The following RPS6KA2 variants were observed in gnomAD, a reference collection of about 807,000 sequenced individuals.
RPS6KA2 encodes the protein ribosomal protein S6 kinase A2, also known as ribosomal protein S6 kinase alpha-2.
In RPS6KA2, 42 loss-of-function variants were observed where a neutral mutation model predicts 91.8. That is an observed-to-expected ratio of 0.46 (90% CI 0.36 to 0.59). RPS6KA2 has a LOEUF of 0.59. Among genes scored for constraint, RPS6KA2 ranks in the 20% least tolerant of loss-of-function variants. The pLI is 0.00. For missense variants in RPS6KA2, 798 were observed against 978.5 expected (o/e 0.82, Z 2.46); for synonymous variants, 414 against 393.6 (o/e 1.05, Z -0.61).
rs111687729 is a variant in RPS6KA2 at position 166,640,949 on chromosome 6, C to T, written c.124-102165G>A. Among the ~76,000 whole-genome samples, 293 of 152,278 alleles carry T rather than the reference C, an allele frequency of 1.9e-3. 1 individual carries two copies. Among genetic ancestry groups the T allele is most frequent in the African/African-American group, 6.3e-3 (261 of 41,544 alleles). Reference sequence around the variant, plus strand: ...CAAAGAGCAAGGGGTAAAAACTGCCCTCTCAGATTTCTTTAGCTCACACTT... The same window carrying T: ...CAAAGAGCAAGGGGTAAAAACTGCCTTCTCAGATTTCTTTAGCTCACACTT... On this transcript the variant is annotated intron_variant, in intron 2 of 21. Coordinates refer to the RPS6KA2 transcript ENST00000503859.
intron 3 of RPS6KA2, among the ~76,000 whole-genome samples, chr6:166,523,600 C>T (rs1182111511): frequency 6.6e-6 from 1 of 152,104 alleles, no homozygotes; most frequent in Non-Finnish European, 1.5e-5. Context: ...AACAGTCCTC[C>T]CCTCTTAAGA....
intron 2 of RPS6KA2, among the ~76,000 whole-genome samples, chr6:166,715,973 G>C (rs1023798088): frequency 6.7e-6 from 1 of 148,416 alleles, no homozygotes; most frequent in African/African-American, 2.5e-5. Flanking sequence ...TGGAGGTGGA[G>C]GTTGCAGTGA....
In RPS6KA2 at chr6:166,697,057, ATGTG is replaced by A. The variant is rs3071132; in HGVS notation, c.124-158277_124-158274del. ...CAATAAAATCTGTGTGTGTATATAT[ATGTG>A]TGTGTGTGTGTGTGTGTGTATTTGT... On this transcript the variant is annotated intron_variant, in intron 2 of 21. Transcript: ENST00000503859. Among the ~76,000 whole-genome samples the A allele has an allele frequency of 3.4e-3, 513 of 149,664 alleles. 1 individual carries two copies. Among genetic ancestry groups the A allele is most frequent in the African/African-American group, 0.011 (455 of 40,676 alleles).
intron 2 of RPS6KA2, among the ~76,000 whole-genome samples, chr6:166,753,161 T>C (rs1777900412): frequency 6.6e-6 from 1 of 152,168 alleles, no homozygotes; most frequent in African/African-American, 2.4e-5. Flanking sequence ...GATGTAGGGC[T>C]CCATCTATCT....
chr6:166,743,454 T>C (rs1438179793), intron 2 of RPS6KA2, among the ~76,000 whole-genome samples: 2 of 152,214 alleles, frequency 1.3e-5, no homozygotes. Flanking sequence ...CGGCTTTTAA[T>C]GAGTGTGGAA....
At chr6:166,712,967 G>A (rs773638961) in intron 2 of RPS6KA2, among the ~76,000 whole-genome samples, 1 of 152,176 alleles carries the variant, frequency 6.6e-6, no homozygotes, top group Non-Finnish European at 1.5e-5. Flanking sequence ...CTGGGTTCCC[G>A]ACAGCCTCAT....
Position 166,495,461 on chromosome 6 carries a change from C to T in RPS6KA2, c.747+3047G>A, listed in dbSNP as rs1051234053. Among the ~76,000 whole-genome samples the T allele has an allele frequency of 3.3e-5, 5 of 152,150 alleles. No individual in the cohort carries two copies. Among genetic ancestry groups the T allele is most frequent in the African/African-American group, 4.8e-5 (2 of 41,418 alleles). ...CCTGCTGTGTTGACGTGCCGGGCAG[C>T]GCTGGGCCAGGCCTCCTTCAGAAGC... On this transcript the variant is annotated intron_variant, in intron 8 of 20. Coordinates refer to ENST00000265678, the MANE Select transcript of RPS6KA2 (RefSeq NM_021135.6). The surrounding 1 kb of genome is among the most constrained non-coding windows in gnomAD (Gnocchi z 4.4).
At chr6:166,451,365 G>GTGTGT in intron 12 of RPS6KA2, 132 bp from the exon 13 acceptor site, 1 of 888,506 alleles carries the variant, frequency 1.1e-6, no homozygotes, top group Non-Finnish European at 1.7e-6. Flanking sequence ...GTGTGCACGT[G>GTGTGT]GCGTATGCCT....
In RPS6KA2 at chr6:166,821,583, C is replaced by T. The variant is rs1281206411; in HGVS notation, c.123+36617G>A. On this transcript the variant is annotated intron_variant, in intron 2 of 21. Coordinates refer to the RPS6KA2 transcript ENST00000503859. The surrounding 1 kb of genome is among the most constrained non-coding windows in gnomAD (Gnocchi z 4.1). ...TGCGGTGGGCCATCCCTCCTCCCAC[C>T]GTAACCACCTACGCTCCCCTGGGTT... 1.3e-5 allele frequency among the ~76,000 whole-genome samples: 2 copies of T among 152,066 alleles called. No individual in the cohort carries two copies. Among genetic ancestry groups the T allele is most frequent in the Non-Finnish European group, 2.9e-5 (2 of 68,004 alleles).
intron 10 of RPS6KA2, among the ~76,000 whole-genome samples, chr6:166,476,080 A>T (rs150461095): frequency 6.6e-6 from 1 of 152,166 alleles, no homozygotes; most frequent in Non-Finnish European, 1.5e-5. Context: ...CAGGGCAGGC[A>T]CTCATCTCCT....
intron 2 of RPS6KA2, among the ~76,000 whole-genome samples, chr6:166,783,133 G>A (rs1252224244): frequency 2.0e-5 from 3 of 150,600 alleles, no homozygotes; most frequent in Admixed American, 1.3e-4. Flanking sequence ...GTGTCACCCA[G>A]GCTGGAGTGC....
At chr6:166,607,884 C>T (rs904183765) in intron 1 of RPS6KA2, among the ~76,000 whole-genome samples, 1 of 152,092 alleles carries the variant, frequency 6.6e-6, no homozygotes, top group African/African-American at 2.4e-5. Flanking sequence ...GTGGCATGTA[C>T]CTGTGGTCCC....
At chr6:166,602,580 G>A (rs1785783805) in intron 1 of RPS6KA2, among the ~76,000 whole-genome samples, 1 of 152,220 alleles carries the variant, frequency 6.6e-6, no homozygotes, top group Non-Finnish European at 1.5e-5. Context: ...GCTCATGAAT[G>A]CAACCTGGAA....
intron 2 of RPS6KA2, among the ~76,000 whole-genome samples, chr6:166,736,454 C>T (rs1790671058): frequency 6.6e-6 from 1 of 152,180 alleles, no homozygotes; most frequent in Admixed American, 6.5e-5. Flanking sequence ...GTGTCATTAA[C>T]AGATTGGATT....
intron 2 of RPS6KA2, among the ~76,000 whole-genome samples, chr6:166,752,734 G>A (rs58154051): frequency 0.06 from 9,199 of 152,092 alleles, 481 homozygotes; most frequent in East Asian, 0.23. Flanking sequence ...TCCCACCTGC[G>A]GTCCCCACAC....
rs1456034007 is a variant in RPS6KA2, at chr6:166,500,280, AT to A, written c.604+606del. On this transcript the variant is annotated intron_variant, in intron 7 of 20. Transcript: ENST00000265678. This position sits in a 1 kb window ranked among gnomAD's most constrained non-coding sequence, Gnocchi z 4.3. ...GGTTTAAAGCCCCGATGTTCCTGGC[AT>A]TTTGTTGCAGATGCTATAGGGAACT... 1.3e-5 allele frequency among the ~76,000 whole-genome samples: 2 copies of A among 152,222 alleles called. No individual in the cohort carries two copies. The highest frequency in any genetic ancestry group is 4.8e-5 in the African/African-American group (2 of 41,460).
intron 1 of RPS6KA2, among the ~76,000 whole-genome samples, chr6:166,623,725 G>A (rs1006621870): frequency 1.6e-4 from 25 of 152,260 alleles, no homozygotes; most frequent in Middle Eastern, 3.4e-3. Flanking sequence ...AGGGTCTTGC[G>A]GTCACTGAGA....
intron 2 of RPS6KA2, among the ~76,000 whole-genome samples, chr6:166,714,908 C>T (rs1366576828): frequency 3.3e-5 from 5 of 152,230 alleles, no homozygotes; most frequent in African/African-American, 9.6e-5. Flanking sequence ...GTGCTGGGCC[C>T]GTATTCTGGT....
chr6:166,430,424 C>A, intron 16 of RPS6KA2, 29 bp downstream of exon 16: 1 of 1,591,136 alleles, frequency 6.3e-7, no homozygotes, highest in South Asian at 1.1e-5. Flanking sequence ...TCCCTCCTCC[C>A]CGAAGGCTGC....
Sources: gnomAD v4.1 joint callset for allele counts (sites outside exome capture counted in the v4.1 genomes callset) on GRCh38, gnomAD v4.1.1 for gene constraint, Gnocchi (gnomAD v3.1) non-coding constraint, MANE v1.5 for transcripts, NCBI Gene and HGNC (gene_info 2026-07-23, HGNC 2026-07-21) for gene names.